METTL24: variants seen among roughly 807,000 people sequenced by gnomAD.
The protein encoded by METTL24 is methyltransferase like 24, also known as probable methyltransferase-like protein 24.
In METTL24, 29 loss-of-function variants were observed where a neutral mutation model predicts 32.7. The observed-to-expected ratio is 0.89, with a 90% confidence interval of 0.66 to 1.21. The LOEUF is 1.21. METTL24 is among the 50% of genes most tolerant of loss of function. The pLI is 0.00. For missense variants in METTL24, 439 were observed against 468.1 expected (o/e 0.94, Z 0.57); for synonymous variants, 163 against 179.5 (o/e 0.91, Z 0.73).
intron 3 of METTL24, among the ~76,000 whole-genome samples, chr6:110,306,523 G>A (rs1771630874): frequency 6.6e-6 from 1 of 151,734 alleles, no homozygotes; most frequent in Non-Finnish European, 1.5e-5. Context: ...TCATTAAATA[G>A]TGGGAAACTT....
At chr6:110,304,878 A>G (rs1237935776) in intron 3 of METTL24, among the ~76,000 whole-genome samples, 1 of 152,168 alleles carries the variant, frequency 6.6e-6, no homozygotes, top group Non-Finnish European at 1.5e-5. Context: ...GGTTGAAACA[A>G]AAGAAAAAAA....
chr6:110,338,514 G>T (rs1453224360), intron 1 of METTL24, among the ~76,000 whole-genome samples: 1 of 152,010 alleles, frequency 6.6e-6, no homozygotes, highest in Non-Finnish European at 1.5e-5. Flanking sequence ...CAAAGCCAAA[G>T]GAAAACAACA....
At chr6:110,271,160 A>G (rs1770952273) in intron 4 of METTL24, among the ~76,000 whole-genome samples, 2 of 151,990 alleles carry the variant, frequency 1.3e-5, no homozygotes, top group African/African-American at 4.8e-5. Context: ...GCGTCCAGCC[A>G]TCTTGGTTCT....
chr6:110,323,186 A>T (rs1230605001), intron 1 of METTL24, among the ~76,000 whole-genome samples: 1 of 152,188 alleles, frequency 6.6e-6, no homozygotes, highest in African/African-American at 2.4e-5. Flanking sequence ...GCTCTCCCTT[A>T]ACTGCAGCTT....
In METTL24 at chr6:110,266,700, C is replaced by T. The variant is rs566936417; in HGVS notation, c.787-20440G>A. Among the ~76,000 whole-genome samples, 16 of 152,224 alleles carry T rather than the reference C, an allele frequency of 1.1e-4. No homozygotes were observed. In the South Asian group the frequency reaches 3.3e-3, roughly 32 times the overall value. On this transcript the variant is annotated intron_variant, in intron 4 of 4. Transcript: ENST00000338882. ...TGGGCTGAAAAATCTCAGTTTGAGG[C>T]AGCATGTTCACAAAGTTAGATGTCC...
chr6:110,255,256 C>T (rs570815581), intron 4 of METTL24, among the ~76,000 whole-genome samples: 2 of 152,242 alleles, frequency 1.3e-5, no homozygotes, highest in Admixed American at 1.3e-4. Context: ...ATGAGGAAAA[C>T]ATTTACAAGC....
rs752703805 is a variant in METTL24, at chr6:110,322,869, G to T, written c.322C>A (p.Pro108Thr). The T allele has an allele frequency of 1.2e-6, 2 of 1,610,732 alleles. No homozygotes were observed. The highest frequency in any genetic ancestry group is 1.7e-6 in the Non-Finnish European group (2 of 1,179,054). Reference sequence around the variant, plus strand: ...GGCTGGAGATCTATATGCCACCGGGGACCCTGCAAGAGACAGAAAACATAG... The same window carrying T: ...GGCTGGAGATCTATATGCCACCGGGTACCCTGCAAGAGACAGAAAACATAG... Reference protein sequence around the residue: ...APRGRPRRKGPRWHIDLQPWA... With the variant: ...APRGRPRRKGTRWHIDLQPWA... Residue 108 changes from proline (P) to threonine (T), a missense_variant, in exon 2 of 5, where the codon CCC (proline) becomes ACC (threonine). Coordinates refer to ENST00000338882, the MANE Select transcript of METTL24 (RefSeq NM_001123364.3).
chr6:110,348,803 G>A lies in METTL24; in HGVS notation c.318+9152C>T, dbSNP rs368229306. 1.4e-3 allele frequency among the ~76,000 whole-genome samples: 216 copies of A among 152,264 alleles called. 1 individual carries two copies. The highest frequency in any genetic ancestry group is 5.1e-3 in the African/African-American group (211 of 41,558). ...ATGGCTTTATTTATTCAAATAATTT[G>A]CTTTATTCCACCCCCCTAGAGAAAA... On this transcript the variant is annotated intron_variant, in intron 1 of 4. Coordinates refer to ENST00000338882, the MANE Select transcript of METTL24 (RefSeq NM_001123364.3).
intron 2 of METTL24, among the ~76,000 whole-genome samples, chr6:110,319,035 G>A (rs758591788): frequency 2.6e-5 from 4 of 152,094 alleles, no homozygotes. Flanking sequence ...AACTTAAAGG[G>A]ATCTAATTTA....
At chr6:110,266,194 T>C (rs1295122911) in intron 4 of METTL24, among the ~76,000 whole-genome samples, 3 of 151,688 alleles carry the variant, frequency 2.0e-5, no homozygotes, top group Admixed American at 6.6e-5. Flanking sequence ...TATGAGCCAC[T>C]GTGTCTGGCA....
intron 4 of METTL24, among the ~76,000 whole-genome samples, chr6:110,283,469 T>C (rs565002056): frequency 1.3e-5 from 2 of 152,054 alleles, no homozygotes; most frequent in African/African-American, 2.4e-5. Context: ...AGCCATTCTA[T>C]AGAAAGGAGG....
At chr6:110,265,722 A>C (rs538140423) in intron 4 of METTL24, among the ~76,000 whole-genome samples, 3 of 152,178 alleles carry the variant, frequency 2.0e-5, no homozygotes, top group Non-Finnish European at 4.4e-5. Flanking sequence ...GGGAGGAGGT[A>C]GGGAGAGCTG....
At chr6:110,257,390 T>A (rs550604177) in intron 4 of METTL24, among the ~76,000 whole-genome samples, 4 of 152,242 alleles carry the variant, frequency 2.6e-5, no homozygotes, top group Admixed American at 6.5e-5. Flanking sequence ...CCATTTTAAT[T>A]TTAATTAATT....
In METTL24 at chr6:110,245,007, A is replaced by G. The variant is rs1166771476; in HGVS notation, c.*939T>C. On this transcript the variant is annotated 3_prime_UTR_variant, in exon 5 of 5. Transcript: ENST00000338882. Reference sequence around the variant, plus strand: ...CTATCTATCTATCTATCTATCATCTATCTATTTATCTACCTACCTACCTAC... The same window carrying G: ...CTATCTATCTATCTATCTATCATCTGTCTATTTATCTACCTACCTACCTAC... Among the ~76,000 whole-genome samples the G allele has an allele frequency of 1.3e-5, 2 of 149,446 alleles. No homozygotes were observed. The highest frequency in any genetic ancestry group is 3.0e-5 in the Non-Finnish European group (2 of 67,156).
chr6:110,284,954 C>T (rs1771195057), intron 4 of METTL24, among the ~76,000 whole-genome samples: 1 of 152,202 alleles, frequency 6.6e-6, no homozygotes, highest in African/African-American at 2.4e-5. Flanking sequence ...TGGTGGCCCA[C>T]AGGTTATTAA....
intron 4 of METTL24, among the ~76,000 whole-genome samples, chr6:110,269,162 A>G (rs1161980130): frequency 7.2e-5 from 11 of 152,200 alleles, no homozygotes; most frequent in Non-Finnish European, 1.5e-4. Flanking sequence ...TCAGAAAAGT[A>G]ACAAAGATAT....
chr6:110,346,452 G>A (rs1772475149), intron 1 of METTL24, among the ~76,000 whole-genome samples: 1 of 151,614 alleles, frequency 6.6e-6, no homozygotes, highest in African/African-American at 2.4e-5. Context: ...TACTTCAGGT[G>A]ATACAGTGTA....
intron 1 of METTL24, among the ~76,000 whole-genome samples, chr6:110,328,813 A>G (rs1041227566): frequency 1.3e-5 from 2 of 152,230 alleles, no homozygotes; most frequent in African/African-American, 4.8e-5. Flanking sequence ...CATGACCTAG[A>G]AAAGAGAGCT....
intron 1 of METTL24, among the ~76,000 whole-genome samples, chr6:110,349,628 T>C (rs1303424363): frequency 6.6e-6 from 1 of 152,230 alleles, no homozygotes; most frequent in Non-Finnish European, 1.5e-5. Flanking sequence ...TGGTGTAATT[T>C]AGTATCTGAA....
Sources: allele counts gnomAD v4.1 joint callset (sites outside exome capture counted in the v4.1 genomes callset), GRCh38; gene constraint gnomAD v4.1.1; transcripts MANE v1.5; gene names NCBI Gene and HGNC (gene_info 2026-07-23, HGNC 2026-07-21).